The following UFSP2 variants were observed in gnomAD, a reference collection of about 807,000 sequenced individuals.
UFSP2 encodes the protein ufm1-specific protease 2.
Under a neutral mutation model 60.2 loss-of-function variants are expected in UFSP2, and 43 were observed. The ratio of observed to expected loss-of-function variants is 0.71; its 90% CI spans 0.56 to 0.92. The LOEUF (loss-of-function observed/expected upper bound fraction) is 0.92, where lower values mean the gene tolerates loss of function less well. Ranked by LOEUF, UFSP2 falls within the 40% of genes least tolerant of loss-of-function variation. The pLI, the probability that UFSP2 is intolerant of heterozygous loss-of-function variation, is 0.00. For synonymous variants in UFSP2, 183 were observed against 195.1 expected (o/e 0.94, Z 0.52); for missense variants, 520 against 575.0 (o/e 0.90, Z 0.98).
At chr4:185,404,293 GTTTTTTTTTTT>G (rs70962562) in intron 10 of UFSP2, among the ~76,000 whole-genome samples, 1 of 80,482 alleles carries the variant, frequency 1.2e-5, no homozygotes, top group South Asian at 4.7e-4. Context: ...CATTCATTAA[GTTTTTTTTTTT>G]TTTTTTTTTT....
At chr4:185,405,973 T>A in intron 9 of UFSP2, 117 bp from the exon 10 acceptor site, 1 of 1,551,768 alleles carries the variant, frequency 6.4e-7, no homozygotes, top group Non-Finnish European at 8.7e-7. Flanking sequence ...AAAAAATATA[T>A]AAATGTAAAA....
At chr4:185,417,388 G>A (rs1218007144) in intron 4 of UFSP2, among the ~76,000 whole-genome samples, 1 of 152,170 alleles carries the variant, frequency 6.6e-6, no homozygotes, top group East Asian at 1.9e-4. Context: ...ACATCTTACT[G>A]AGGTCTTAAA....
intron 9 of UFSP2, among the ~76,000 whole-genome samples, chr4:185,406,649 C>T (rs943045933): frequency 3.9e-5 from 6 of 152,154 alleles, no homozygotes; most frequent in African/African-American, 1.4e-4. Context: ...GATCTCAGCT[C>T]ACTGCAACCT....
At chr4:185,416,012 G>A (rs780685236) in intron 4 of UFSP2, 145 bp from the exon 5 acceptor site, 2 of 600,266 alleles carry the variant, frequency 3.3e-6, no homozygotes, top group Non-Finnish European at 5.4e-6. Context: ...GGGGGAAAGA[G>A]TAGAGAACAA....
In UFSP2 at chr4:185,408,342, T is replaced by G; in HGVS notation, c.925A>C (p.Thr309Pro). ...TGATGTTTGAACCAAGAGCAGATAG[T>G]CTGCAGAGATCGATAAGCACAGCCC... ...GWGCAYRSLQ[T>P]ICSWFKHQGY... The change falls in exon 8 of 12, where the codon ACT becomes CCT. Residue 309 changes from threonine (T) to proline (P), a missense_variant. Physicochemically the swap from Thr to Pro is conservative, Grantham distance 38 (BLOSUM62 -1). Transcript: ENST00000264689. The G allele has an allele frequency of 6.2e-7, 1 of 1,614,206 alleles. No homozygotes were observed. Among genetic ancestry groups the G allele is most frequent in the Non-Finnish European group, 8.5e-7 (1 of 1,180,034 alleles).
chr4:185,418,734 C>T lies in UFSP2; in HGVS notation c.119G>A (p.Ser40Asn), dbSNP rs771672837. ...FLKKALKHVLSDLSTKLSSNA... is the reference protein window; with the variant it reads ...FLKKALKHVLNDLSTKLSSNA... ...TGAAGACAGCTTAGTTGACAGGTCA[C>T]TCAACACATGTTTCAGTGCCTTCTT... Residue 40 changes from serine (S) to asparagine (N), a missense_variant, in exon 3 of 12, where the codon AGT becomes AAT. Ser to Asn is a conservative substitution (Grantham distance 46). Transcript: ENST00000264689. 2 of 1,609,126 alleles carry T rather than the reference C, an allele frequency of 1.2e-6. No homozygotes were observed. The highest frequency in any genetic ancestry group is 2.2e-5 in the South Asian group (2 of 89,298).
intron 11 of UFSP2, among the ~76,000 whole-genome samples, chr4:185,401,581 A>G (rs775465700): frequency 6.6e-6 from 1 of 152,220 alleles, no homozygotes; most frequent in South Asian, 2.1e-4. Flanking sequence ...CAAACAGGAA[A>G]GCACCACAAG....
chr4:185,418,927 G>C (rs2153292304), intron 2 of UFSP2, among the ~76,000 whole-genome samples, 157 bp from the exon 3 acceptor site: 1 of 152,126 alleles, frequency 6.6e-6, no homozygotes, highest in East Asian at 1.9e-4. Flanking sequence ...TTTTAAAAAA[G>C]TCTGTGAGAC....
At chr4:185,412,443 T>A (rs1388822538) in intron 7 of UFSP2, among the ~76,000 whole-genome samples, 2 of 152,166 alleles carry the variant, frequency 1.3e-5, no homozygotes, top group African/African-American at 4.8e-5. Context: ...TGCATTTTTT[T>A]AATTCTTAAG....
chr4:185,400,623 A>T (rs576987534), intron 11 of UFSP2, 145 bp from the exon 12 acceptor site: 119 of 519,790 alleles, frequency 2.3e-4, no homozygotes, highest in Non-Finnish European at 3.8e-4. Flanking sequence ...TCCTACTAGC[A>T]TAGAAAAGTA....
At chr4:185,403,923 A>G (rs2095516357) in intron 10 of UFSP2, among the ~76,000 whole-genome samples, 1 of 143,276 alleles carries the variant, frequency 7.0e-6, no homozygotes, top group African/African-American at 2.5e-5. Context: ...CTGAGCCGAG[A>G]TCATGCCACC....
chr4:185,424,192 G>A (rs941693874), intron 1 of UFSP2, among the ~76,000 whole-genome samples: 1 of 151,446 alleles, frequency 6.6e-6, no homozygotes, highest in Non-Finnish European at 1.5e-5. Flanking sequence ...CTGTAGTCCA[G>A]CTACTCGGGA....
At chr4:185,409,333 CT>C (rs2095525372) in intron 7 of UFSP2, among the ~76,000 whole-genome samples, 1 of 151,994 alleles carries the variant, frequency 6.6e-6, no homozygotes, top group Admixed American at 6.6e-5. Flanking sequence ...ATGTATATGT[CT>C]TTTTTTATTA....
At position 185,399,737 on chromosome 4, in the gene UFSP2, G is replaced by A; in HGVS notation, c.*655C>T. 1 of 1,614,112 alleles carries A rather than the reference G, an allele frequency of 6.2e-7. No homozygotes were observed. Among genetic ancestry groups the A allele is most frequent in the Non-Finnish European group, 8.5e-7 (1 of 1,180,004 alleles). The stretch of plus-strand genomic sequence containing the variant: ...GTGCTCAGACAGAAACGGAGTCTCG[G>A]AAGTGTAGAAAATACCAGTGGGAAA... On this transcript the variant is annotated 3_prime_UTR_variant, in exon 12 of 12. Coordinates refer to ENST00000264689, the MANE Select transcript of UFSP2 (RefSeq NM_018359.5).
chr4:185,418,296 T>G (rs556114643), intron 4 of UFSP2, 145 bp downstream of exon 4: 1 of 600,872 alleles, frequency 1.7e-6, no homozygotes, highest in Admixed American at 3.5e-5. Flanking sequence ...GACAAACATA[T>G]AACTTTTGGC....
chr4:185,407,043 A>T (rs1580054335), intron 9 of UFSP2, among the ~76,000 whole-genome samples: 1 of 135,816 alleles, frequency 7.4e-6, no homozygotes, highest in African/African-American at 2.8e-5. Flanking sequence ...TTTTTTAGAA[A>T]ATGTATTTTT....
Position 185,415,257 on chromosome 4 carries a change from C to T in UFSP2, c.582G>A (p.Val194=). Residue 194 remains valine (V), a synonymous_variant, in exon 6 of 12, where the codon GTG becomes GTA. Coordinates refer to ENST00000264689, the MANE Select transcript of UFSP2 (RefSeq NM_018359.5). The part of the protein sequence containing the change: ...ILKYMKGTSI[V]VPEPLHFLLP... ...ATAAAAAGTGCAGTGGTTCAGGGACCACAATAGATGTTCCTTTCATATATT... is the reference window on the plus strand; with the variant it reads ...ATAAAAAGTGCAGTGGTTCAGGGACTACAATAGATGTTCCTTTCATATATT... 1.2e-6 allele frequency: 2 copies of T among 1,602,314 alleles called. No individual in the cohort carries two copies. The highest frequency in any genetic ancestry group is 1.7e-6 in the Non-Finnish European group (2 of 1,177,304).
chr4:185,405,928 T>C, intron 9 of UFSP2, 72 bp from the exon 10 acceptor site: 2 of 1,610,362 alleles, frequency 1.2e-6, no homozygotes. Flanking sequence ...TAGGAGACAA[T>C]GTTTCCTACT....
At position 185,400,035 on chromosome 4, in the gene UFSP2, A is replaced by G. The variant is rs1170484553; in HGVS notation, c.*357T>C. On this transcript the variant is annotated 3_prime_UTR_variant, in exon 12 of 12. Coordinates refer to ENST00000264689, the MANE Select transcript of UFSP2 (RefSeq NM_018359.5). Reference sequence around the variant, plus strand: ...AAAACAGATGTCACGTGGGTTATGAAGAAGTCTGAAGAACGCCTTCATTTC... The same window carrying G: ...AAAACAGATGTCACGTGGGTTATGAGGAAGTCTGAAGAACGCCTTCATTTC... 3 of 1,586,476 alleles carry G rather than the reference A, an allele frequency of 1.9e-6. No individual in the cohort carries two copies. Among genetic ancestry groups the G allele is most frequent in the African/African-American group, 2.7e-5 (2 of 73,698 alleles).
Sources: allele counts gnomAD v4.1 joint callset (sites outside exome capture counted in the v4.1 genomes callset), GRCh38; gene constraint gnomAD v4.1.1; transcripts MANE v1.5; gene names NCBI Gene and HGNC (gene_info 2026-07-23, HGNC 2026-07-21).